Variants in GALNT17 observed in about 807,000 individuals in gnomAD.
GALNT17 encodes the protein UDP-GalNAc:polypeptide N-acetylgalactosaminyltransferase-like 3.
Under a neutral mutation model 63.7 loss-of-function variants are expected in GALNT17, and 29 were observed. The ratio of observed to expected loss-of-function variants is 0.46; its 90% CI spans 0.34 to 0.62. The LOEUF is 0.62. Ranked by LOEUF, GALNT17 falls within the 20% of genes least tolerant of loss-of-function variation. The probability of loss-of-function intolerance (pLI) is 0.01; values close to 1 mark genes in which losing one functional copy is unlikely to be tolerated. For missense variants in GALNT17, 603 were observed against 799.6 expected (o/e 0.75, Z 2.97); for synonymous variants, 305 against 318.3 (o/e 0.96, Z 0.45).
intron 1 of GALNT17, among the ~76,000 whole-genome samples, chr7:71,200,576 C>T (rs1308125822): frequency 7.9e-5 from 12 of 152,148 alleles, no homozygotes; most frequent in Non-Finnish European, 1.6e-4. Context: ...TCTTAAAATA[C>T]CTGAATTATT....
At chr7:71,441,943 ATG>A (rs561781480) in intron 5 of GALNT17, among the ~76,000 whole-genome samples, 58 of 151,758 alleles carry the variant, frequency 3.8e-4, no homozygotes, top group Non-Finnish European at 6.8e-4. Flanking sequence ...CAATAAACGT[ATG>A]TGTGTGTGTG....
intron 5 of GALNT17, among the ~76,000 whole-genome samples, chr7:71,564,263 T>C (rs1183889672): frequency 7.1e-6 from 1 of 141,196 alleles, no homozygotes; most frequent in Non-Finnish European, 1.5e-5. Context: ...TCTTTCTTTT[T>C]TTTTCTTTTC....
chr7:71,563,198 A>G (rs1789283908), intron 5 of GALNT17, among the ~76,000 whole-genome samples: 1 of 152,192 alleles, frequency 6.6e-6, no homozygotes, highest in Admixed American at 6.5e-5. Flanking sequence ...ATGATTTTGA[A>G]TTGAAGTGTT....
intron 5 of GALNT17, among the ~76,000 whole-genome samples, chr7:71,535,298 T>C (rs903233839): frequency 3.9e-5 from 6 of 152,200 alleles, no homozygotes; most frequent in African/African-American, 1.4e-4. Flanking sequence ...AGAAATTTTA[T>C]TTTCTTCTGC....
At chr7:71,651,220 CA>C (rs71089971) in intron 6 of GALNT17, among the ~76,000 whole-genome samples, 1,506 of 67,440 alleles carry the variant, frequency 0.022, 4 homozygotes, top group African/African-American at 0.064. Context: ...GATGGGAGCA[CA>C]AAAAAAAAAA....
chr7:71,519,488 G>A (rs185362322), intron 5 of GALNT17, among the ~76,000 whole-genome samples: 1 of 152,054 alleles, frequency 6.6e-6, no homozygotes. Flanking sequence ...TTTTGAGATG[G>A]AGTCTCATTC....
At chr7:71,200,153 T>A (rs563773610) in intron 1 of GALNT17, among the ~76,000 whole-genome samples, 4 of 152,322 alleles carry the variant, frequency 2.6e-5, no homozygotes, top group Admixed American at 2.0e-4. Flanking sequence ...TTGGTGGTGA[T>A]GACAAGAAGG....
intron 5 of GALNT17, among the ~76,000 whole-genome samples, chr7:71,503,008 C>A (rs988878192): frequency 1.3e-5 from 2 of 152,098 alleles, no homozygotes; most frequent in African/African-American, 4.8e-5. Context: ...GTTGATCACC[C>A]ACCCTGAAAT....
chr7:71,137,633 G>T (rs1016748971), intron 1 of GALNT17, among the ~76,000 whole-genome samples: 2 of 152,142 alleles, frequency 1.3e-5, no homozygotes, highest in Non-Finnish European at 2.9e-5. Context: ...GGTGGGGGCT[G>T]GGAGGACTCA....
chr7:71,449,610 C>G (rs1276852771), intron 5 of GALNT17, among the ~76,000 whole-genome samples: 1 of 152,122 alleles, frequency 6.6e-6, no homozygotes, highest in African/African-American at 2.4e-5. Flanking sequence ...AAATAGACAT[C>G]AGATTAGGGA....
chr7:71,553,490 T>G lies in GALNT17; in HGVS notation c.963-17795T>G, dbSNP rs1392295619. 2.6e-5 allele frequency among the ~76,000 whole-genome samples: 4 copies of G among 152,200 alleles called. No homozygotes were observed. The East Asian group carries it at 7.7e-4, about 29-fold the overall frequency. On this transcript the variant is annotated intron_variant, in intron 5 of 10. Transcript: ENST00000333538. Reference sequence around the variant, plus strand: ...TCTAAGACATGTTTATTTTTAAGACTTACGAGACAGACTGCCAAATTACTT... The same window carrying G: ...TCTAAGACATGTTTATTTTTAAGACGTACGAGACAGACTGCCAAATTACTT...
chr7:71,331,223 T>A (rs902716154), intron 1 of GALNT17, among the ~76,000 whole-genome samples: 1 of 152,154 alleles, frequency 6.6e-6, no homozygotes, highest in Admixed American at 6.5e-5. Context: ...CTTGTTTATC[T>A]CCTACCCTGG....
chr7:71,160,004 C>T (rs138484394), intron 1 of GALNT17, among the ~76,000 whole-genome samples: 4,119 of 152,090 alleles, frequency 0.027, 87 homozygotes, highest in Non-Finnish European at 0.04. Context: ...AGGCTGATCT[C>T]GAACTCCTGA....
intron 1 of GALNT17, among the ~76,000 whole-genome samples, chr7:71,155,749 A>G (rs1304804101): frequency 6.6e-6 from 1 of 151,890 alleles, no homozygotes; most frequent in Non-Finnish European, 1.5e-5. Context: ...AAACCTATAG[A>G]GTACATCATT....
At chr7:71,379,495 TG>T (rs1792804407) in intron 2 of GALNT17, among the ~76,000 whole-genome samples, 1 of 152,002 alleles carries the variant, frequency 6.6e-6, no homozygotes, top group African/African-American at 2.4e-5. Context: ...ACCAGTTAGG[TG>T]GCTTTTGGTG....
At chr7:71,640,800 C>T (rs1180960257) in intron 6 of GALNT17, among the ~76,000 whole-genome samples, 1 of 151,720 alleles carries the variant, frequency 6.6e-6, no homozygotes, top group African/African-American at 2.4e-5. Flanking sequence ...TCACTTGACC[C>T]CAGGAGTTTA....
At chr7:71,701,819 ATATATATACACATATATATATGTG>A (rs1791642672) in intron 9 of GALNT17, among the ~76,000 whole-genome samples, 2 of 6,978 alleles carry the variant, frequency 2.9e-4, no homozygotes, top group Admixed American at 2.0e-3. Flanking sequence ...ATATATACAC[ATATATATACACATATATATATGTG>A]TATATATATA....
intron 6 of GALNT17, among the ~76,000 whole-genome samples, chr7:71,612,454 C>A (rs1217599037): frequency 6.6e-6 from 1 of 152,142 alleles, no homozygotes; most frequent in Admixed American, 6.5e-5. Flanking sequence ...TGCATTGGGT[C>A]GAAATTAGTT....
chr7:71,311,973 A>C (rs1161980246), intron 1 of GALNT17, among the ~76,000 whole-genome samples: 1 of 152,146 alleles, frequency 6.6e-6, no homozygotes, highest in East Asian at 1.9e-4. Flanking sequence ...CACTGAAAGC[A>C]CTTCTCCATG....
Sources: allele counts gnomAD v4.1 joint callset (sites outside exome capture counted in the v4.1 genomes callset), GRCh38; gene constraint gnomAD v4.1.1; transcripts MANE v1.5; gene names NCBI Gene and HGNC (gene_info 2026-07-23, HGNC 2026-07-21).